Variants in BAIAP2 observed in about 807,000 individuals in gnomAD.
BAIAP2 encodes BAR/IMD domain containing adaptor protein 2.
Under a neutral mutation model 63.0 loss-of-function variants are expected in BAIAP2, and 18 were observed. The ratio of observed to expected loss-of-function variants is 0.29; its 90% CI spans 0.20 to 0.42. The LOEUF is 0.42. Among genes scored for constraint, BAIAP2 ranks in the 10% least tolerant of loss-of-function variants. The pLI is 1.00. For missense variants in BAIAP2, 610 were observed against 734.3 expected (o/e 0.83, Z 1.96); for synonymous variants, 386 against 307.6 (o/e 1.25, Z -2.67).
chr17:81,106,998 G>A (rs536948124), intron 12 of BAIAP2, 91 bp downstream of exon 12: 113 of 1,386,940 alleles, frequency 8.1e-5, no homozygotes, highest in African/African-American at 6.0e-4. Context: ...GCTGAGGGGC[G>A]GGGCGCCTGG....
chr17:81,075,943 T>C (rs1598652433), intron 3 of BAIAP2, among the ~76,000 whole-genome samples: 1 of 151,932 alleles, frequency 6.6e-6, no homozygotes, highest in Non-Finnish European at 1.5e-5. Context: ...GGAATTTTTT[T>C]TTTTTTTTTG....
At chr17:81,050,539 G>GAAGA (rs2048504859) in intron 1 of BAIAP2, among the ~76,000 whole-genome samples, 1 of 152,200 alleles carries the variant, frequency 6.6e-6, no homozygotes. Flanking sequence ...GGAGCTCACA[G>GAAGA]GGCTCAGGTT....
chr17:81,113,955 CCA>C (rs2060206000), intron 13 of BAIAP2, among the ~76,000 whole-genome samples: 1 of 144,036 alleles, frequency 6.9e-6, no homozygotes, highest in Non-Finnish European at 1.5e-5. Context: ...CTCTGGGAAC[CCA>C]CTTTTTTTTT....
intron 6 of BAIAP2, among the ~76,000 whole-genome samples, chr17:81,097,129 C>T (rs768893495): frequency 1.5e-4 from 23 of 152,222 alleles, no homozygotes; most frequent in Non-Finnish European, 2.8e-4. Context: ...CTCAGGTCCC[C>T]TTTAGGTGAC....
At chr17:81,115,214 C>T (rs1197551907) in intron 13 of BAIAP2, among the ~76,000 whole-genome samples, 1 of 152,254 alleles carries the variant, frequency 6.6e-6, no homozygotes. Context: ...CACTGTCTGG[C>T]CCAGGGGATG....
At chr17:81,059,129 C>A (rs34299166) in intron 3 of BAIAP2, among the ~76,000 whole-genome samples, 11,287 of 152,282 alleles carry the variant, frequency 0.074, 600 homozygotes, top group Non-Finnish European at 0.11. Flanking sequence ...CGGAGCCCCC[C>A]CCCCACGCCC....
At position 81,035,190 on chromosome 17, in the gene BAIAP2, AC is replaced by A; in HGVS notation, c.-63del. On this transcript the variant is annotated 5_prime_UTR_variant, in exon 1 of 14. Transcript: ENST00000428708. ...CTTTCGTCTCCGTCCTGCTGCCGTT[AC>A]CGCCGCTGCTGCCGCCGCTTGCGTC... 1 of 1,343,538 alleles carries A rather than the reference AC, an allele frequency of 7.4e-7. No individual in the cohort carries two copies. The highest frequency in any genetic ancestry group is 1.5e-5 in the South Asian group (1 of 67,616). 83.2% of individuals were successfully genotyped at this position (1,343,538 alleles called of 1,614,324 possible).
chr17:81,071,779 C>T (rs951764280), intron 3 of BAIAP2, among the ~76,000 whole-genome samples: 6 of 152,270 alleles, frequency 3.9e-5, no homozygotes, highest in African/African-American at 1.4e-4. Flanking sequence ...GCTGCTGTGG[C>T]TCACATTCTG....
chr17:81,095,307 T>C (rs562929549), intron 6 of BAIAP2, among the ~76,000 whole-genome samples: 305 of 152,248 alleles, frequency 2.0e-3, no homozygotes, highest in Non-Finnish European at 3.1e-3. Context: ...CCCTGCACTT[T>C]CCACACAGCT....
intron 3 of BAIAP2, among the ~76,000 whole-genome samples, chr17:81,067,247 G>C (rs2051653116): frequency 6.6e-6 from 1 of 152,250 alleles, no homozygotes; most frequent in African/African-American, 2.4e-5. Context: ...AAGCCACCAG[G>C]ATGCTTGGGA....
intron 1 of BAIAP2, among the ~76,000 whole-genome samples, chr17:81,042,517 C>T (rs2143604568): frequency 6.6e-6 from 1 of 152,080 alleles, no homozygotes; most frequent in Non-Finnish European, 1.5e-5. Context: ...TTCGGATGGT[C>T]CTTATGTGTT....
intron 13 of BAIAP2, among the ~76,000 whole-genome samples, chr17:81,112,913 A>AG (rs1484092612): frequency 1.3e-5 from 2 of 152,036 alleles, no homozygotes; most frequent in African/African-American, 2.4e-5. Context: ...AAAATTAGCC[A>AG]GGCATGGTGG....
chr17:81,071,807 A>C (rs1033574438), intron 3 of BAIAP2, among the ~76,000 whole-genome samples: 3 of 152,234 alleles, frequency 2.0e-5, no homozygotes, highest in African/African-American at 7.2e-5. Context: ...AGCTCTGTCC[A>C]GGAGGCAGCC....
At chr17:81,052,828 T>C (rs1008571643) in intron 1 of BAIAP2, among the ~76,000 whole-genome samples, 4 of 152,170 alleles carry the variant, frequency 2.6e-5, no homozygotes, top group Non-Finnish European at 5.9e-5. Flanking sequence ...GCGACAGGGC[T>C]GGGCGGCTTC....
At chr17:81,068,415 G>T (rs1270352503) in intron 3 of BAIAP2, among the ~76,000 whole-genome samples, 2 of 152,252 alleles carry the variant, frequency 1.3e-5, no homozygotes, top group South Asian at 2.1e-4. Context: ...GTCTGAGGGG[G>T]TCTGTCCCCG....
chr17:81,095,898 G>A (rs2057536132), intron 6 of BAIAP2, among the ~76,000 whole-genome samples: 1 of 152,144 alleles, frequency 6.6e-6, no homozygotes, highest in Non-Finnish European at 1.5e-5. Context: ...CTGCTAATGA[G>A]GCCAGTACCC....
At chr17:81,035,436 G>A in intron 1 of BAIAP2, 128 bp downstream of exon 1, 1 of 434,284 alleles carries the variant, frequency 2.3e-6, no homozygotes, top group Non-Finnish European at 3.1e-6. Context: ...GGACTTTGGG[G>A]GTCTTCCCGG....
In BAIAP2 at chr17:81,106,880, C is replaced by A. The variant is rs370082792; in HGVS notation, c.1473C>A (p.Tyr491Ter). The change falls in exon 12 of 14, where the codon TAC (tyrosine) becomes TAA (stop). Residue 491 changes from tyrosine (Y) to a stop codon, truncating the protein, a stop_gained. Transcript: ENST00000428708. LOFTEE classifies it high-confidence loss of function. ...CCAGCGGCTTCAAGCAGAGGCCCTA[C>A]AGTGTGGCCGTGCCCGCCTTCTCCC... Reference protein sequence around the residue: ...QTASGFKQRPYSVAVPAFSQG... With the variant: ...QTASGFKQRP 6.3e-7 allele frequency: 1 copy of A among 1,591,652 alleles called. No homozygotes were observed. The highest frequency in any genetic ancestry group is 8.6e-7 in the Non-Finnish European group (1 of 1,169,554).
intron 3 of BAIAP2, among the ~76,000 whole-genome samples, chr17:81,071,576 G>A (rs758725960): frequency 5.9e-5 from 9 of 152,212 alleles, no homozygotes; most frequent in South Asian, 2.1e-4. Flanking sequence ...CAGTGCCTCC[G>A]GAAGCAACAG....
Sources: allele counts gnomAD v4.1 joint callset (sites outside exome capture counted in the v4.1 genomes callset), GRCh38; gene constraint gnomAD v4.1.1; transcripts MANE v1.5; gene names NCBI Gene and HGNC (gene_info 2026-07-23, HGNC 2026-07-21).